SMARCAL1: variants seen among roughly 807,000 people sequenced by gnomAD.
The protein encoded by SMARCAL1 is ATP-driven annealing helicase.
A neutral mutation model predicts 94.5 loss-of-function variants in SMARCAL1; 58 were observed. The observed-to-expected ratio is 0.61, with a 90% CI of 0.50 to 0.76. The LOEUF is 0.76. Ranked by LOEUF, SMARCAL1 falls within the 30% of genes least tolerant of loss-of-function variation. The pLI is 0.00. For missense variants in SMARCAL1, 1,051 were observed against 1,177.9 expected (o/e 0.89, Z 1.58); for synonymous variants, 422 against 455.1 (o/e 0.93, Z 0.93).
At chr2:216,460,698 AG>A (rs372294249) in intron 12 of SMARCAL1, among the ~76,000 whole-genome samples, 10,607 of 82,790 alleles carry the variant, frequency 0.13, 628 homozygotes, top group South Asian at 0.22. Flanking sequence ...GGGTGGGGGG[AG>A]GGGGGAGGGA....
chr2:216,453,007 G>A (rs972897045), intron 12 of SMARCAL1, among the ~76,000 whole-genome samples: 2 of 152,156 alleles, frequency 1.3e-5, no homozygotes, highest in Non-Finnish European at 2.9e-5. Flanking sequence ...GCTTAGAAAC[G>A]GAGCCACAAC....
chr2:216,437,051 C>T (rs971416073), intron 9 of SMARCAL1, among the ~76,000 whole-genome samples: 1 of 152,222 alleles, frequency 6.6e-6, no homozygotes, highest in African/African-American at 2.4e-5. Flanking sequence ...TAAGTAAGAG[C>T]TCTGTCCTCT....
At position 216,414,772 on chromosome 2, in the gene SMARCAL1, G is replaced by T. The variant is rs866396456; in HGVS notation, c.68G>T (p.Arg23Leu). Residue 23 changes from arginine to leucine, a missense_variant, in exon 3 of 18, where the codon CGC becomes CTC. By Grantham distance (102) the Arg-to-Leu change is moderately radical. Transcript: ENST00000357276. ...IEENRQKALA[R>L]RAEKLLAEQH... is the part of the protein sequence containing the mutation. ...GAGAATCGACAAAAGGCTCTGGCCC[G>T]CAGAGCTGAGAAGTTATTGGCAGAA... 6.2e-7 allele frequency: 1 copy of T among 1,614,072 alleles called. No individual in the cohort carries two copies. The highest frequency in any genetic ancestry group is 1.3e-5 in the African/African-American group (1 of 74,930).
chr2:216,444,444 A>G (rs1039896241), intron 10 of SMARCAL1, among the ~76,000 whole-genome samples: 1 of 151,864 alleles, frequency 6.6e-6, no homozygotes, highest in Admixed American at 6.6e-5. Context: ...ACTGCTTCTT[A>G]TATAAACTTA....
At chr2:216,465,722 CT>C (rs1694816790) in intron 13 of SMARCAL1, among the ~76,000 whole-genome samples, 1 of 151,862 alleles carries the variant, frequency 6.6e-6, no homozygotes, top group African/African-American at 2.4e-5. Flanking sequence ...ATGTGATGCT[CT>C]GGCAGGATAA....
intron 14 of SMARCAL1, among the ~76,000 whole-genome samples, chr2:216,470,182 G>T (rs978392879): frequency 6.6e-6 from 1 of 151,924 alleles, no homozygotes; most frequent in East Asian, 1.9e-4. Flanking sequence ...GGGGGGTCTC[G>T]CTCCGTTGCC....
intron 17 of SMARCAL1, among the ~76,000 whole-genome samples, chr2:216,481,494 C>G (rs903745944): frequency 2.1e-5 from 3 of 146,308 alleles, no homozygotes; most frequent in Non-Finnish European, 4.5e-5. Context: ...TTGCAGCAGC[C>G]TTATTTTTAT....
At chr2:216,443,828 C>A (rs1694250138) in intron 10 of SMARCAL1, among the ~76,000 whole-genome samples, 2 of 152,166 alleles carry the variant, frequency 1.3e-5, no homozygotes, top group South Asian at 4.1e-4. Flanking sequence ...TTGGTTTGTC[C>A]TGGTTTGTTT....
chr2:216,422,620 G>A (rs1693748982), intron 5 of SMARCAL1, among the ~76,000 whole-genome samples: 2 of 152,310 alleles, frequency 1.3e-5, no homozygotes, highest in African/African-American at 2.4e-5. Flanking sequence ...CTGCATTTAC[G>A]ATTAGTCTGT....
chr2:216,445,026 A>C (rs1694276659), intron 10 of SMARCAL1, among the ~76,000 whole-genome samples: 1 of 152,180 alleles, frequency 6.6e-6, no homozygotes, highest in South Asian at 2.1e-4. Flanking sequence ...CACCACACAG[A>C]AAGTATTTTT....
chr2:216,482,759 T>A lies in SMARCAL1; in HGVS notation c.2647T>A (p.Tyr883Asn). Reference sequence around the variant, plus strand: ...GAAGGACCCAAAGCAGCAGAAGATCTACGACCTATTCCAGAAGTCCTTTGA... The same window carrying A: ...GAAGGACCCAAAGCAGCAGAAGATCAACGACCTATTCCAGAAGTCCTTTGA... Reference protein sequence around the residue: ...LYKDPKQQKIYDLFQKSFEKE... With the variant: ...LYKDPKQQKINDLFQKSFEKE... The change falls in exon 18 of 18, where the codon TAC becomes AAC. Residue 883 changes from tyrosine to asparagine, a missense_variant. Transcript: ENST00000357276. The surrounding 1 kb of genome is among the most constrained non-coding windows in gnomAD (Gnocchi z 4.3). 1 of 1,614,200 alleles carries A rather than the reference T, an allele frequency of 6.2e-7. No homozygotes were observed. The highest frequency in any genetic ancestry group is 8.5e-7 in the Non-Finnish European group (1 of 1,180,022).
intron 12 of SMARCAL1, 77 bp downstream of exon 12, chr2:216,451,141 A>G: frequency 8.5e-7 from 1 of 1,174,682 alleles, no homozygotes; most frequent in Non-Finnish European, 1.3e-6. Flanking sequence ...CTTGAAAATG[A>G]CCTGGCATTC....
chr2:216,431,053 G>A (rs1026918993), intron 7 of SMARCAL1, among the ~76,000 whole-genome samples: 6 of 152,248 alleles, frequency 3.9e-5, no homozygotes, highest in African/African-American at 7.2e-5. Context: ...TGGGCTTTGG[G>A]AAGGGCTGCC....
intron 3 of SMARCAL1, chr2:216,415,965 G>A: frequency 2.3e-6 from 1 of 435,332 alleles, no homozygotes; most frequent in Non-Finnish European, 4.3e-6. Flanking sequence ...ATACTGCTTT[G>A]CCTGACCACA....
At chr2:216,481,031 G>A (rs7594085) in intron 17 of SMARCAL1, among the ~76,000 whole-genome samples, 52,053 of 151,914 alleles carry the variant, frequency 0.34, 9,099 homozygotes, top group African/African-American at 0.41. Context: ...GGGAACTAAT[G>A]GGGGGAACAA....
chr2:216,433,576 G>A (rs1434530241), intron 8 of SMARCAL1, among the ~76,000 whole-genome samples: 1 of 152,130 alleles, frequency 6.6e-6, no homozygotes, highest in Non-Finnish European at 1.5e-5. Flanking sequence ...CAACTCAGGG[G>A]TTTTGCACTC....
In SMARCAL1 at chr2:216,414,733, G is replaced by A. The variant is rs775840273; in HGVS notation, c.29G>A (p.Arg10Lys). 3.1e-6 allele frequency: 5 copies of A among 1,614,230 alleles called. No homozygotes were observed. In the South Asian group the frequency reaches 5.5e-5, roughly 18 times the overall value. Residue 10 changes from arginine to lysine, a missense_variant, in exon 3 of 18, where the codon AGG (arginine) becomes AAG (lysine). Physicochemically the swap from Arg to Lys is conservative, Grantham distance 26. Coordinates refer to ENST00000357276, the MANE Select transcript of SMARCAL1 (RefSeq NM_014140.4). ...TCCTTGCCTCTTACAGAGGAGCAGA[G>A]GAAAAAGATTGAAGAGAATCGACAA... Reference protein sequence around the residue: MSLPLTEEQRKKIEENRQKA... With the variant: MSLPLTEEQKKKIEENRQKA...
chr2:216,429,230 T>C (rs184186499), intron 7 of SMARCAL1, among the ~76,000 whole-genome samples: 2 of 152,196 alleles, frequency 1.3e-5, no homozygotes, highest in Admixed American at 6.5e-5. Context: ...GCACCATTTT[T>C]CTAATGGGGC....
chr2:216,415,879 GGCCC>G, intron 3 of SMARCAL1: 1 of 400,226 alleles, frequency 2.5e-6, no homozygotes, highest in East Asian at 5.6e-5. Context: ...TTAAGTGACA[GGCCC>G]AGTTTCATTG....
Sources: gnomAD v4.1 joint callset for allele counts (sites outside exome capture counted in the v4.1 genomes callset) on GRCh38, gnomAD v4.1.1 for gene constraint, Gnocchi (gnomAD v3.1) non-coding constraint, MANE v1.5 for transcripts, NCBI Gene and HGNC (gene_info 2026-07-23, HGNC 2026-07-21) for gene names.